HIBCH: variants seen among roughly 807,000 people sequenced by gnomAD.
HIBCH encodes the protein 3-hydroxyisobutyryl-CoA hydrolase, also known as 3-hydroxyisobutyryl-CoA hydrolase, mitochondrial.
In HIBCH, 50 loss-of-function variants were observed where a neutral mutation model predicts 58.2. The ratio of observed to expected loss-of-function variants is 0.86; its 90% CI spans 0.68 to 1.09. The LOEUF (loss-of-function observed/expected upper bound fraction) is 1.09. HIBCH is among the 50% of genes least tolerant of loss of function. The probability of loss-of-function intolerance (pLI) is 0.00; values close to 1 mark genes in which losing one functional copy is unlikely to be tolerated. For synonymous variants in HIBCH, 151 were observed against 146.9 expected (o/e 1.03, Z -0.20); for missense variants, 450 against 449.7 (o/e 1.00, Z -0.01).
intron 6 of HIBCH, among the ~76,000 whole-genome samples, chr2:190,262,173 A>AAAAAAAAG (rs1553501955): frequency 3.3e-5 from 5 of 150,910 alleles, no homozygotes; most frequent in Admixed American, 6.6e-5. Flanking sequence ...CAAAAAAAAA[A>AAAAAAAAG]AAAAGAAAAG....
intron 11 of HIBCH, among the ~76,000 whole-genome samples, chr2:190,224,041 A>C (rs1023228963): frequency 6.6e-6 from 1 of 152,322 alleles, no homozygotes; most frequent in East Asian, 1.9e-4. Flanking sequence ...CTGGAAAATC[A>C]GGACACTCCC....
At chr2:190,190,675 A>G (rs1004563278) in intron 1 of HIBCH, among the ~76,000 whole-genome samples, 1 of 152,332 alleles carries the variant, frequency 6.6e-6, no homozygotes, top group African/African-American at 2.4e-5. Flanking sequence ...TTCCAGCAAT[A>G]TATGCGTTGC....
chr2:190,200,149 G>T (rs776356022), downstream of HIBCH: 1 of 1,612,714 alleles, frequency 6.2e-7, no homozygotes, highest in East Asian at 2.2e-5. Context: ...GGGGCCTTGA[G>T]GCTGTAGGAT....
In HIBCH at chr2:190,232,899, A is replaced by C. The variant is rs1046223672; in HGVS notation, c.891+11988T>G. On this transcript the variant is annotated intron_variant, in intron 11 of 13. Transcript: ENST00000359678. ...CGTGAACCCGGGAGGCGGAGCTTGC[A>C]GTGAGCCGAGATCATGCCACTGCAC... 4.6e-5 allele frequency among the ~76,000 whole-genome samples: 7 copies of C among 152,258 alleles called. No individual in the cohort carries two copies. In the South Asian group the frequency reaches 1.5e-3, roughly 32 times the overall value.
intron 2 of HIBCH, among the ~76,000 whole-genome samples, chr2:190,299,555 C>G (rs1185075026): frequency 6.6e-6 from 1 of 152,062 alleles, no homozygotes; most frequent in African/African-American, 2.4e-5. Context: ...AGTAAACAAA[C>G]ATACTGGGGA....
intron 1 of HIBCH, among the ~76,000 whole-genome samples, chr2:190,196,533 T>C (rs1449510355): frequency 6.6e-6 from 1 of 151,854 alleles, no homozygotes; most frequent in Non-Finnish European, 1.5e-5. Context: ...TTTTTTTTTT[T>C]TTTCCCTTGA....
At chr2:190,233,511 C>A (rs1236702647) in intron 11 of HIBCH, among the ~76,000 whole-genome samples, 1 of 152,206 alleles carries the variant, frequency 6.6e-6, no homozygotes, top group Non-Finnish European at 1.5e-5. Flanking sequence ...CTCCTCCTTG[C>A]CTTCTGCCAT....
chr2:190,219,197 T>C (rs1685647126), intron 11 of HIBCH, among the ~76,000 whole-genome samples: 2 of 152,110 alleles, frequency 1.3e-5, no homozygotes, highest in African/African-American at 4.8e-5. Flanking sequence ...ACACTTATAT[T>C]AACTCAATAG....
At chr2:190,277,352 C>T (rs1234888163) in intron 6 of HIBCH, among the ~76,000 whole-genome samples, 1 of 152,134 alleles carries the variant, frequency 6.6e-6, no homozygotes, top group Non-Finnish European at 1.5e-5. Context: ...ATTTTCTATA[C>T]TGGAAAAAAT....
chr2:190,250,889 A>G (rs1465255359), intron 8 of HIBCH, among the ~76,000 whole-genome samples: 3 of 152,226 alleles, frequency 2.0e-5, no homozygotes, highest in African/African-American at 7.2e-5. Flanking sequence ...ACCAAACAGT[A>G]CATTTTTATG....
intron 1 of HIBCH, among the ~76,000 whole-genome samples, chr2:190,314,351 ATATATACGTATATATATACG>A (rs1688651416): frequency 2.4e-5 from 1 of 41,850 alleles, no homozygotes; most frequent in Admixed American, 1.6e-4. Flanking sequence ...ATATATGTGT[ATATATACGTATATATATACG>A]TATATATGTG....
intron 6 of HIBCH, among the ~76,000 whole-genome samples, chr2:190,265,426 C>T (rs1313839277): frequency 6.8e-6 from 1 of 147,676 alleles, no homozygotes; most frequent in Non-Finnish European, 1.5e-5. Flanking sequence ...TAATCTTTTG[C>T]TGTGAAACGT....
At chr2:190,230,528 C>T (rs13401763) in intron 11 of HIBCH, among the ~76,000 whole-genome samples, 1 of 152,200 alleles carries the variant, frequency 6.6e-6, no homozygotes, top group African/African-American at 2.4e-5. Context: ...AACCCCGTCT[C>T]TACTAAAAAT....
intron 11 of HIBCH, among the ~76,000 whole-genome samples, chr2:190,231,446 G>A (rs377690092): frequency 1.5e-4 from 23 of 152,134 alleles, no homozygotes; most frequent in Non-Finnish European, 2.2e-4. Context: ...CTCAATAGAC[G>A]CAGCAAAATA....
intron 6 of HIBCH, among the ~76,000 whole-genome samples, chr2:190,276,591 T>C (rs375139414): frequency 1.3e-5 from 2 of 152,208 alleles, no homozygotes; most frequent in African/African-American, 4.8e-5. Flanking sequence ...TAAAAGAATG[T>C]AGCACCTTCT....
At chr2:190,253,463 C>A (rs1686836754) in intron 7 of HIBCH, among the ~76,000 whole-genome samples, 1 of 152,136 alleles carries the variant, frequency 6.6e-6, no homozygotes, top group Non-Finnish European at 1.5e-5. Context: ...AGCTAGGTCT[C>A]AAGTTAAACT....
In HIBCH at chr2:190,215,143, A is replaced by G. The variant is rs1439828796; in HGVS notation, c.892-2068T>C. 1 of 152,194 alleles carries G rather than the reference A, an allele frequency of 6.6e-6. No homozygotes were observed. Among genetic ancestry groups the G allele is most frequent in the African/African-American group, 2.4e-5 (1 of 41,446 alleles). The allele number at this position is 152,194 out of a possible 1,614,324, so 9.4% of individuals were successfully genotyped here. A position where few individuals can be genotyped will look rare whatever the true frequency, so the allele number is the denominator to read the frequency against. On this transcript the variant is annotated intron_variant, in intron 11 of 13. Transcript: ENST00000359678. The surrounding 1 kb of genome is among the most constrained non-coding windows in gnomAD (Gnocchi z 4.4). ...CAGAGATCCCCTCGGTTTAGCAGCT[A>G]GATCAATTTTTAGGACCCAATTTTT...
intron 7 of HIBCH, among the ~76,000 whole-genome samples, chr2:190,256,456 A>AAAAAC (rs1686927245): frequency 1.3e-5 from 2 of 150,818 alleles, no homozygotes; most frequent in African/African-American, 4.9e-5. Flanking sequence ...AAAAAAAAAA[A>AAAAAC]AATAATAATA....
chr2:190,220,687 C>T (rs866418862), intron 11 of HIBCH, among the ~76,000 whole-genome samples: 4 of 151,518 alleles, frequency 2.6e-5, no homozygotes, highest in East Asian at 2.0e-4. Context: ...CCACCCTTTC[C>T]GTAGGCAAGC....
Sources: allele counts gnomAD v4.1 joint callset (sites outside exome capture counted in the v4.1 genomes callset), GRCh38; gene constraint gnomAD v4.1.1; non-coding constraint Gnocchi (gnomAD v3.1); transcripts MANE v1.5; gene names NCBI Gene and HGNC (gene_info 2026-07-23, HGNC 2026-07-21).